The following TENM2 variants were observed in gnomAD, a reference collection of about 807,000 sequenced individuals.
TENM2 encodes teneurin-2.
A neutral mutation model predicts 245.2 loss-of-function variants in TENM2; 52 were observed. That is an observed-to-expected ratio of 0.21 (90% confidence interval 0.17 to 0.27). The LOEUF is 0.27. TENM2 is among the 10% of genes least tolerant of loss of function. TENM2 has a pLI of 1.00. For missense variants in TENM2, 3,046 were observed against 3,666.8 expected (o/e 0.83, Z 4.37); for synonymous variants, 1,363 against 1,438.9 (o/e 0.95, Z 1.19).
intron 2 of TENM2, among the ~76,000 whole-genome samples, chr5:167,764,343 G>GT (rs1762865544): frequency 6.6e-6 from 1 of 152,104 alleles, no homozygotes; most frequent in South Asian, 2.1e-4. Context: ...AACACCATCT[G>GT]TTTTTTCCAT....
chr5:167,049,672 T>G, the TENM2 span, among the ~76,000 whole-genome samples: 1 of 152,232 alleles, frequency 6.6e-6, no homozygotes, highest in Non-Finnish European at 1.5e-5. Flanking sequence ...GAATGCTTAT[T>G]AAGCCCTAGG....
At chr5:167,479,329 GC>G (rs1221828756) in intron 2 of TENM2, among the ~76,000 whole-genome samples, 2 of 152,110 alleles carry the variant, frequency 1.3e-5, no homozygotes, top group Non-Finnish European at 2.9e-5. Context: ...TTGGTCTGAA[GC>G]CAATTATATA....
chr5:167,409,967 T>G (rs914808473), intron 2 of TENM2, among the ~76,000 whole-genome samples: 1 of 152,042 alleles, frequency 6.6e-6, no homozygotes, highest in African/African-American at 2.4e-5. Flanking sequence ...TTGAAATTTG[T>G]AATTAATATT....
intron 2 of TENM2, among the ~76,000 whole-genome samples, chr5:167,585,289 T>C (rs1775408411): frequency 6.6e-6 from 1 of 152,250 alleles, no homozygotes. Context: ...TAATTTATGA[T>C]GAAAAGTACA....
chr5:167,599,373 C>G (rs952300064), intron 2 of TENM2, among the ~76,000 whole-genome samples: 1 of 152,070 alleles, frequency 6.6e-6, no homozygotes, highest in Non-Finnish European at 1.5e-5. Flanking sequence ...ACAAAACCAC[C>G]TACAACCTAA....
In TENM2 at chr5:168,060,977, C is replaced by T. The variant is rs116717047; in HGVS notation, c.1310-1083C>T. Among the ~76,000 whole-genome samples, 672 of 152,156 alleles carry T rather than the reference C, an allele frequency of 4.4e-3. 6 individuals carry two copies. The highest frequency in any genetic ancestry group is 0.016 in the African/African-American group (648 of 41,506). ...GAAGAGTTAGTCCTTCACAGAATGT[C>T]GAGGGGAGCATCCTGGCCCCATCAG... On this transcript the variant is annotated intron_variant, in intron 6 of 28. Transcript: ENST00000518659.
chr5:167,813,504 G>A (rs1227951932), intron 2 of TENM2, among the ~76,000 whole-genome samples: 1 of 152,008 alleles, frequency 6.6e-6, no homozygotes, highest in East Asian at 1.9e-4. Flanking sequence ...ATGCATGTCT[G>A]TTGAAAACTT....
intron 1 of TENM2, 47 bp downstream of exon 3, chr5:167,285,110 C>A: frequency 7.0e-7 from 1 of 1,427,174 alleles, no homozygotes; most frequent in Non-Finnish European, 9.7e-7. Flanking sequence ...GTCTAACTTA[C>A]TTGATTTACA....
At chr5:167,124,132 T>C in the TENM2 span, among the ~76,000 whole-genome samples, 1 of 152,232 alleles carries the variant, frequency 6.6e-6, no homozygotes, top group Admixed American at 6.5e-5. Flanking sequence ...TTGGGGTCTT[T>C]ACTTTTTTGC....
intron 12 of TENM2, among the ~76,000 whole-genome samples, chr5:168,141,334 T>C (rs1007122153): frequency 6.6e-6 from 1 of 152,210 alleles, no homozygotes; most frequent in African/African-American, 2.4e-5. Context: ...ATTCTCTGCA[T>C]GCAGGCATGC....
At chr5:167,164,211 T>C in the TENM2 span, among the ~76,000 whole-genome samples, 2 of 152,192 alleles carry the variant, frequency 1.3e-5, no homozygotes, top group Non-Finnish European at 2.9e-5. Context: ...TTGGAAGACA[T>C]CTTTCTCAGT....
intron 2 of TENM2, among the ~76,000 whole-genome samples, chr5:167,489,049 T>C (rs1768265459): frequency 6.6e-6 from 1 of 152,184 alleles, no homozygotes; most frequent in South Asian, 2.1e-4. Flanking sequence ...GCTCTAACTC[T>C]GGTCGAAGCC....
At chr5:167,652,972 C>G (rs1754578759) in intron 2 of TENM2, among the ~76,000 whole-genome samples, 1 of 152,140 alleles carries the variant, frequency 6.6e-6, no homozygotes, top group African/African-American at 2.4e-5. Context: ...CTAATGCAAC[C>G]TGACCCTGAT....
At chr5:167,181,554 A>G in the TENM2 span, among the ~76,000 whole-genome samples, 1 of 151,088 alleles carries the variant, frequency 6.6e-6, no homozygotes, top group Admixed American at 6.6e-5. Flanking sequence ...CACATATAAC[A>G]GATATACTGT....
chr5:168,210,852 C>T (rs914289004), intron 19 of TENM2, among the ~76,000 whole-genome samples: 6 of 152,096 alleles, frequency 3.9e-5, no homozygotes, highest in African/African-American at 1.4e-4. Context: ...AGTGGTTCTC[C>T]TTAATTGAGA....
intron 2 of TENM2, among the ~76,000 whole-genome samples, chr5:167,646,650 G>A (rs1457349437): frequency 3.3e-5 from 5 of 152,058 alleles, no homozygotes; most frequent in African/African-American, 4.8e-5. Context: ...ATATCAATGC[G>A]TGAACCAGAC....
At chr5:167,894,309 A>G (rs1364910267) in intron 3 of TENM2, among the ~76,000 whole-genome samples, 1 of 152,208 alleles carries the variant, frequency 6.6e-6, no homozygotes, top group Non-Finnish European at 1.5e-5. Flanking sequence ...CTCATACCTA[A>G]CAATCAGGCC....
intron 2 of TENM2, among the ~76,000 whole-genome samples, chr5:167,699,236 T>A (rs754646058): frequency 2.0e-5 from 3 of 152,006 alleles, no homozygotes; most frequent in Non-Finnish European, 4.4e-5. Flanking sequence ...TTGGAAGGAT[T>A]AATAGTGGCT....
intron 24 of TENM2, 104 bp downstream of exon 26, chr5:168,226,367 C>A: frequency 1.1e-6 from 1 of 925,650 alleles, no homozygotes; most frequent in Non-Finnish European, 1.6e-6. Flanking sequence ...CTTCCAGAGA[C>A]CCAGCGTACC....
Sources: gnomAD v4.1 joint callset for allele counts (sites outside exome capture counted in the v4.1 genomes callset) on GRCh38, gnomAD v4.1.1 for gene constraint, MANE v1.5 for transcripts, NCBI Gene and HGNC (gene_info 2026-07-23, HGNC 2026-07-21) for gene names.